KIAA1549L: variants seen among roughly 807,000 people sequenced by gnomAD.
KIAA1549L encodes KIAA1549 like.
A neutral mutation model predicts 160.7 loss-of-function variants in KIAA1549L; 88 were observed. The ratio of observed to expected loss-of-function variants is 0.55; its 90% CI spans 0.46 to 0.65. KIAA1549L has a LOEUF of 0.65. Ranked by LOEUF, KIAA1549L falls within the 30% of genes least tolerant of loss-of-function variation. The probability of loss-of-function intolerance (pLI) is 0.00; values close to 1 mark genes in which losing one functional copy is unlikely to be tolerated. For synonymous variants in KIAA1549L, 950 were observed against 976.7 expected (o/e 0.97, Z 0.51); for missense variants, 2,258 against 2,437.5 (o/e 0.93, Z 1.55).
At position 33,513,815 on chromosome 11, in the gene KIAA1549L, TGGA is replaced by T. The variant is rs1252964594; in HGVS notation, c.239-27981_239-27979del. Reference sequence around the variant, plus strand: ...CATGTTTGCAGGATGGGGCATTTGTTGGAGGAGGGGCTGTGTGCTAGATAGATG... The same window carrying T: ...CATGTTTGCAGGATGGGGCATTTGTTGGAGGGGCTGTGTGCTAGATAGATG... On this transcript the variant is annotated intron_variant, in intron 1 of 20. Transcript: ENST00000658780. Among the ~76,000 whole-genome samples the T allele has an allele frequency of 3.9e-5, 6 of 152,316 alleles. No homozygotes were observed. In the East Asian group the frequency reaches 1.2e-3, roughly 29 times the overall value.
chr11:33,626,602 A>AT (rs1851120618), intron 16 of KIAA1549L, among the ~76,000 whole-genome samples: 1 of 114,452 alleles, frequency 8.7e-6, no homozygotes, highest in Admixed American at 9.3e-5. Context: ...TTGTACATTG[A>AT]TTTTGTATCC....
At chr11:33,650,983 A>G (rs1020957239) in intron 17 of KIAA1549L, among the ~76,000 whole-genome samples, 1 of 152,122 alleles carries the variant, frequency 6.6e-6, no homozygotes, top group African/African-American at 2.4e-5. Context: ...TTCTTCCCCC[A>G]GGGTGAGACA....
At chr11:33,583,282 G>C in intron 10 of KIAA1549L, 56 bp from the exon 11 acceptor site, 1 of 1,514,412 alleles carries the variant, frequency 6.6e-7, no homozygotes, top group South Asian at 1.2e-5. Flanking sequence ...TGTCTGGGTT[G>C]CTTTCCTCTT....
intron 1 of KIAA1549L, among the ~76,000 whole-genome samples, chr11:33,524,514 T>TGTAC (rs1853569082): frequency 3.0e-5 from 2 of 65,762 alleles, no homozygotes; most frequent in African/African-American, 3.5e-4. Context: ...GCGAGAGGAA[T>TGTAC]TTACTATTTC....
At chr11:33,480,562 G>T (rs1267207689) in intron 1 of KIAA1549L, among the ~76,000 whole-genome samples, 1 of 152,136 alleles carries the variant, frequency 6.6e-6, no homozygotes, top group Non-Finnish European at 1.5e-5. Context: ...GGGTTATATG[G>T]TAACTGTGTG....
Position 33,645,774 on chromosome 11 carries a change from C to G in KIAA1549L, c.5498C>G (p.Ser1833Trp). Residue 1833 changes from serine to tryptophan, a missense_variant, in exon 17 of 21, where the codon TCG (serine) becomes TGG (tryptophan). Ser to Trp is a radical substitution (Grantham distance 177). This residue lies in a region of KIAA1549L where 1,359 missense variants were observed against 1,546.6 expected (regional missense o/e 0.88). Transcript: ENST00000658780. ...YSRSRQVKGH[S>W]ETSTLSSQPS... ...AGGTCTCGACAGGTGAAAGGCCACTCGGAGACCTCCACACTGAGCTCCCAG... is the reference window on the plus strand; with the variant it reads ...AGGTCTCGACAGGTGAAAGGCCACTGGGAGACCTCCACACTGAGCTCCCAG... The G allele has an allele frequency of 6.2e-7, 1 of 1,613,914 alleles. No homozygotes were observed. Among genetic ancestry groups the G allele is most frequent in the Non-Finnish European group, 8.5e-7 (1 of 1,179,842 alleles).
At chr11:33,614,105 G>A (rs528003130) in intron 15 of KIAA1549L, among the ~76,000 whole-genome samples, 1 of 152,092 alleles carries the variant, frequency 6.6e-6, no homozygotes, top group Non-Finnish European at 1.5e-5. Context: ...TGTAACAGAT[G>A]GAAACTGATG....
chr11:33,570,326 A>G (rs1289861088), intron 9 of KIAA1549L, among the ~76,000 whole-genome samples: 2 of 152,094 alleles, frequency 1.3e-5, no homozygotes, highest in Non-Finnish European at 2.9e-5. Context: ...CTAAGAGCTC[A>G]GTGCACTTGG....
At chr11:33,551,296 T>C in intron 5 of KIAA1549L, 37 bp downstream of exon 5, 2 of 1,574,482 alleles carry the variant, frequency 1.3e-6, no homozygotes, top group Middle Eastern at 2.3e-4. Flanking sequence ...TCATCCATTC[T>C]TGGGTTCAGG....
intron 13 of KIAA1549L, 105 bp from the exon 14 acceptor site, chr11:33,606,536 T>TG (rs1217041227): frequency 8.8e-7 from 1 of 1,139,514 alleles, no homozygotes; most frequent in African/African-American, 1.6e-5. Context: ...TCTGAGGTTG[T>TG]TTTGAGTAAA....
Position 33,530,429 on chromosome 11 carries a change from AAAAAAAAATATATATATAT to A in KIAA1549L, c.239-11371_239-11353del, listed in dbSNP as rs1209007998. On this transcript the variant is annotated intron_variant, in intron 1 of 20. Transcript: ENST00000658780. The stretch of plus-strand genomic sequence containing the variant: ...GAAGAAGAAGGAAAAAAAAAAAAAA[AAAAAAAAATATATATATAT>A]ATATATATATATATATATATATATA... Among the ~76,000 whole-genome samples, 149 of 19,108 alleles carry A rather than the reference AAAAAAAAATATATATATAT, an allele frequency of 7.8e-3. 6 individuals carry two copies. The highest frequency in any genetic ancestry group is 0.016 in the African/African-American group (106 of 6,458). The allele number at this position is 19,108 out of a possible 152,430, so 12.5% of individuals were successfully genotyped here. A position where few individuals can be genotyped will look rare whatever the true frequency, so the allele number is the denominator to read the frequency against.
chr11:33,430,009 CCCTT>C (rs762169127), intron 1 of KIAA1549L, among the ~76,000 whole-genome samples: 1,823 of 93,374 alleles, frequency 0.02, 22 homozygotes, highest in Middle Eastern at 0.048. Flanking sequence ...GCTCTGCCCT[CCCTT>C]CCTTCCTTCC....
chr11:33,394,414 T>TAAAC (rs1850330428), intron 1 of KIAA1549L, among the ~76,000 whole-genome samples: 1 of 25,794 alleles, frequency 3.9e-5, no homozygotes, highest in African/African-American at 9.0e-5. Context: ...AATAAATAAA[T>TAAAC]AAATAAACAA....
Position 33,559,797 on chromosome 11 carries a change from G to C in KIAA1549L, c.3904G>C (p.Val1302Leu). ...ASQAVTLVYVVGNQSTFLNGT... is the reference protein window; with the variant it reads ...ASQAVTLVYVLGNQSTFLNGT... ...CCAGGCAGTCACCTTGGTGTACGTC[G>C]TGGGCAATCAGAGCACATTCCTCAA... The change falls in exon 7 of 21, where the codon GTG (valine) becomes CTG (leucine). Residue 1302 changes from valine (V) to leucine (L), a missense_variant. Physicochemically the swap from Val to Leu is conservative, Grantham distance 32 (BLOSUM62 1). This residue lies in a region of KIAA1549L where 1,359 missense variants were observed against 1,546.6 expected (regional missense o/e 0.88). Coordinates refer to ENST00000658780, the MANE Select transcript of KIAA1549L (RefSeq NM_012194.3). The C allele has an allele frequency of 6.2e-7, 1 of 1,613,974 alleles. No homozygotes were observed. The highest frequency in any genetic ancestry group is 8.5e-7 in the Non-Finnish European group (1 of 1,179,868).
intron 1 of KIAA1549L, among the ~76,000 whole-genome samples, chr11:33,492,174 C>T (rs1011123845): frequency 6.6e-6 from 1 of 152,136 alleles, no homozygotes; most frequent in African/African-American, 2.4e-5. Context: ...CGAGACAAGC[C>T]TGGCCAACAT....
At chr11:33,551,881 G>T (rs1016317884) in intron 5 of KIAA1549L, among the ~76,000 whole-genome samples, 1 of 151,748 alleles carries the variant, frequency 6.6e-6, no homozygotes, top group Non-Finnish European at 1.5e-5. Flanking sequence ...AAAATCTTTT[G>T]CATTGGAGGG....
chr11:33,601,995 A>C (rs776565663), intron 13 of KIAA1549L, among the ~76,000 whole-genome samples: 14 of 152,234 alleles, frequency 9.2e-5, no homozygotes, highest in Admixed American at 3.3e-4. Flanking sequence ...TGAATTTCTG[A>C]GCCAATTTCT....
intron 1 of KIAA1549L, among the ~76,000 whole-genome samples, chr11:33,440,560 A>G (rs185363178): frequency 5.5e-4 from 84 of 152,226 alleles, no homozygotes; most frequent in Non-Finnish European, 1.1e-3. Context: ...TTTATACAAT[A>G]TATGTAATTA....
intron 5 of KIAA1549L, among the ~76,000 whole-genome samples, 173 bp from the exon 6 acceptor site, chr11:33,551,935 A>C (rs1030617048): frequency 5.3e-5 from 8 of 152,216 alleles, no homozygotes; most frequent in African/African-American, 1.9e-4. Flanking sequence ...GTGTTATATA[A>C]TTCATCTTAG....
Sources: allele counts gnomAD v4.1 joint callset (sites outside exome capture counted in the v4.1 genomes callset), GRCh38; gene constraint gnomAD v4.1.1; regional missense constraint gnomAD v4.1.1; transcripts MANE v1.5; gene names NCBI Gene and HGNC (gene_info 2026-07-23, HGNC 2026-07-21).